The following DMD variants were observed in gnomAD, a reference collection of about 807,000 sequenced individuals.
DMD encodes mutant dystrophin.
DMD carries 63 observed loss-of-function variants against 330.1 expected under a neutral mutation model. The ratio of observed to expected loss-of-function variants is 0.19; its 90% CI spans 0.16 to 0.24. The LOEUF is 0.24. Among genes scored for constraint, DMD ranks in the 10% least tolerant of loss-of-function variants. The pLI is 1.00. For missense variants in DMD, 3,344 were observed against 2,684.1 expected, an observed-to-expected ratio of 1.25 and a Z score of -5.43; for synonymous variants, 1,223 against 959.8, an observed-to-expected ratio of 1.27 and a Z score of -5.07.
At chrX:32,950,869 C>A (rs1044263035) in intron 2 of DMD, among the ~76,000 whole-genome samples, 2 of 111,453 alleles carry the variant, frequency 1.8e-5, no homozygotes, top group African/African-American at 6.5e-5. Context: ...TTTTATGAAC[C>A]ATGTGCTATA....
At chrX:31,508,703 G>C (rs1297156291) in intron 55 of DMD, among the ~76,000 whole-genome samples, 1 of 111,549 alleles carries the variant, frequency 9.0e-6, no homozygotes, top group African/African-American at 3.3e-5. Context: ...TTAGAGATTT[G>C]TATGCTTCTG....
At chrX:32,765,235 T>C (rs776432668) in intron 7 of DMD, among the ~76,000 whole-genome samples, 1 of 111,189 alleles carries the variant, frequency 9.0e-6, no homozygotes, top group African/African-American at 3.3e-5. Flanking sequence ...GGAGTTGGTG[T>C]CTGGTGGGAG....
intron 60 of DMD, among the ~76,000 whole-genome samples, chrX:31,423,667 G>A (rs2063555043): frequency 9.0e-6 from 1 of 111,460 alleles, no homozygotes; most frequent in Non-Finnish European, 1.9e-5. Flanking sequence ...CAGTAATGAC[G>A]CAGATGTTTA....
chrX:31,153,593 A>C (rs1263973178), intron 74 of DMD, among the ~76,000 whole-genome samples: 1 of 112,013 alleles, frequency 8.9e-6, no homozygotes, highest in African/African-American at 3.2e-5. Flanking sequence ...GGAGCAGAGA[A>C]AGATGCCTTC....
chrX:31,250,868 G>A (rs755666574), intron 63 of DMD, among the ~76,000 whole-genome samples: 1 of 110,963 alleles, frequency 9.0e-6, no homozygotes, highest in African/African-American at 3.3e-5. Flanking sequence ...CAGATCATGA[G>A]GTCAAGAGAT....
Position 31,880,481 on chromosome X carries a change from C to T in DMD, c.6913-5108G>A, listed in dbSNP as rs2094043744. ...AAAAAGAAATTGACAAAAATGTAAA[C>T]AGCCAATAAACAAGAAAAAATCCAG... On this transcript the variant is annotated intron_variant, in intron 47 of 78. Coordinates refer to ENST00000357033, the MANE Select transcript of DMD (RefSeq NM_004006.3). Among the ~76,000 whole-genome samples, 3 of 111,701 alleles carry T rather than the reference C, an allele frequency of 2.7e-5. No individual in the cohort carries two copies. The Admixed American group carries it at 2.8e-4, about 11-fold the overall frequency.
intron 48 of DMD, among the ~76,000 whole-genome samples, chrX:31,865,084 G>A (rs2093775802): frequency 8.9e-6 from 1 of 112,055 alleles, no homozygotes; most frequent in African/African-American, 3.2e-5. Context: ...ACTCAGCAAT[G>A]GTTTTTGGAG....
intron 60 of DMD, among the ~76,000 whole-genome samples, chrX:31,377,274 A>T (rs2059930924): frequency 8.9e-6 from 1 of 111,892 alleles, no homozygotes; most frequent in Non-Finnish European, 1.9e-5. Context: ...ATATAGACAG[A>T]AAGGCAGAGG....
At chrX:32,345,219 C>CA (rs1291649330) in intron 39 of DMD, among the ~76,000 whole-genome samples, 2 of 109,369 alleles carry the variant, frequency 1.8e-5, no homozygotes, top group South Asian at 3.9e-4. Context: ...AAAGCATATA[C>CA]AAAAAAAAAG....
At position 32,491,431 on chromosome X, in the gene DMD, A is replaced by T; in HGVS notation, c.2468T>A (p.Leu823His). Residue 823 changes from leucine to histidine, a missense_variant, in exon 20 of 79, where the codon CTT becomes CAT. Physicochemically the swap from Leu to His is moderately conservative, Grantham distance 99. Transcript: ENST00000357033. ...IEFCQLLSERLNWLEYQNNII... is the reference protein window; with the variant it reads ...IEFCQLLSERHNWLEYQNNII... ...GTTGTTCTGATACTCCAGCCAGTTA[A>T]GTCTCTCACTTAGCAACTGGCAGAA... 8.3e-7 allele frequency: 1 copy of T among 1,211,587 alleles called. No individual in the cohort carries two copies. Among genetic ancestry groups the T allele is most frequent in the Non-Finnish European group, 1.1e-6 (1 of 895,236 alleles).
intron 2 of DMD, among the ~76,000 whole-genome samples, chrX:32,863,298 C>T (rs1355074512): frequency 9.1e-6 from 1 of 109,399 alleles, no homozygotes; most frequent in Non-Finnish European, 1.9e-5. Flanking sequence ...GGGCAGATCA[C>T]TTGAAGCCAG....
rs541015463 is a variant in DMD, at chrX:33,113,199, G to A, written c.32-92999C>T. On this transcript the variant is annotated intron_variant, in intron 1 of 78. Transcript: ENST00000357033. Reference sequence around the variant, plus strand: ...CTCCCTAGTAGCTGGAATAACAGGCGCCCGCCACCATGCCTGGCTAATTTT... The same window carrying A: ...CTCCCTAGTAGCTGGAATAACAGGCACCCGCCACCATGCCTGGCTAATTTT... Among the ~76,000 whole-genome samples, 140 of 106,694 alleles carry A rather than the reference G, an allele frequency of 1.3e-3. 2 individuals are homozygous for A. The highest frequency in any genetic ancestry group is 2.6e-3 in the South Asian group (6 of 2,300). 92.7% of individuals were successfully genotyped at this position (106,694 alleles called of 115,157 possible).
intron 78 of DMD, among the ~76,000 whole-genome samples, chrX:31,126,106 A>C (rs2033625661): frequency 8.9e-6 from 1 of 111,942 alleles, no homozygotes; most frequent in African/African-American, 3.3e-5. Flanking sequence ...AAAGATGGCA[A>C]GTGCTGAGAA....
chrX:33,305,706 A>C (rs1268478879), intron 1 of DMD, among the ~76,000 whole-genome samples: 1 of 111,088 alleles, frequency 9.0e-6, no homozygotes, highest in Non-Finnish European at 1.9e-5. Flanking sequence ...ACATATATTC[A>C]AGAGTATTCT....
At chrX:32,097,001 A>C (rs1157649681) in intron 44 of DMD, among the ~76,000 whole-genome samples, 1 of 112,117 alleles carries the variant, frequency 8.9e-6, no homozygotes, top group East Asian at 2.8e-4. Flanking sequence ...TAAAGATTCA[A>C]GGGTTCAAGA....
At chrX:32,679,071 T>C (rs1309296134) in intron 9 of DMD, among the ~76,000 whole-genome samples, 1 of 111,978 alleles carries the variant, frequency 8.9e-6, no homozygotes, top group Admixed American at 9.5e-5. Context: ...AATTTAAAGT[T>C]ATAAATCTTA....
At chrX:31,738,595 A>T (rs371013744) in intron 51 of DMD, among the ~76,000 whole-genome samples, 1 of 112,328 alleles carries the variant, frequency 8.9e-6, no homozygotes, top group Admixed American at 9.4e-5. Context: ...AAAGAAAATA[A>T]ATCAGTATAT....
intron 17 of DMD, among the ~76,000 whole-genome samples, chrX:32,536,264 CAAAAAAAAA>C (rs1191335690): frequency 1.1e-4 from 4 of 36,358 alleles, no homozygotes; most frequent in African/African-American, 4.8e-4. Flanking sequence ...ACTCCGTCTC[CAAAAAAAAA>C]AAAAAAAAAA....
At chrX:32,051,361 A>T (rs978384894) in intron 44 of DMD, among the ~76,000 whole-genome samples, 34 of 110,523 alleles carry the variant, frequency 3.1e-4, no homozygotes, top group Non-Finnish European at 5.9e-4. Flanking sequence ...CTTCATTTTT[A>T]ATTTCAATTA....
Sources: gnomAD v4.1 joint callset for allele counts (sites outside exome capture counted in the v4.1 genomes callset) on GRCh38, gnomAD v4.1.1 for gene constraint, MANE v1.5 for transcripts, NCBI Gene and HGNC (gene_info 2026-07-23, HGNC 2026-07-21) for gene names.